The following GRIK3 variants were observed in gnomAD, a reference collection of about 807,000 sequenced individuals.
GRIK3 encodes the protein glutamate receptor ionotropic, kainate 3.
In GRIK3, 29 loss-of-function variants were observed where a neutral mutation model predicts 102.5. The observed-to-expected ratio is 0.28, with a 90% CI of 0.21 to 0.39. The LOEUF (loss-of-function observed/expected upper bound fraction) is 0.39, where lower values mean the gene tolerates loss of function less well. Ranked by LOEUF, GRIK3 falls within the 10% of genes least tolerant of loss-of-function variation. The probability of loss-of-function intolerance (pLI) is 1.00; values close to 1 mark genes in which losing one functional copy is unlikely to be tolerated. For synonymous variants in GRIK3, 511 were observed against 504.9 expected (o/e 1.01, Z -0.16); for missense variants, 908 against 1,252.4 (o/e 0.73, Z 4.15).
intron 1 of GRIK3, among the ~76,000 whole-genome samples, chr1:37,019,643 G>A (rs954553665): frequency 1.1e-4 from 17 of 152,138 alleles, no homozygotes; most frequent in Non-Finnish European, 5.9e-5. Flanking sequence ...CTGACCCTAT[G>A]TACTCTGCAG....
chr1:36,950,587 C>T (rs192726457), intron 1 of GRIK3, among the ~76,000 whole-genome samples: 25 of 152,302 alleles, frequency 1.6e-4, no homozygotes, highest in African/African-American at 9.6e-5. Context: ...TTGGCTAAGC[C>T]AGTCTTTGGC....
intron 1 of GRIK3, among the ~76,000 whole-genome samples, chr1:36,963,307 G>T (rs1236064415): frequency 6.6e-6 from 1 of 152,084 alleles, no homozygotes; most frequent in African/African-American, 2.4e-5. Flanking sequence ...AACAGCTCTG[G>T]GAATAAACAA....
At chr1:36,887,771 A>AATAT (rs71053957) in intron 2 of GRIK3, among the ~76,000 whole-genome samples, 30 of 106,710 alleles carry the variant, frequency 2.8e-4, no homozygotes, top group African/African-American at 1.1e-3. Context: ...AAAAAAAAAA[A>AATAT]ATATATATAT....
intron 13 of GRIK3, among the ~76,000 whole-genome samples, chr1:36,813,599 C>T (rs974951654): frequency 1.3e-5 from 2 of 152,166 alleles, no homozygotes; most frequent in African/African-American, 4.8e-5. Context: ...GGGTTAATCT[C>T]AGGTCTCCTT....
rs748830001 is a variant in GRIK3, at chr1:36,850,224, G to T, written c.1326+87C>A. ...TACCTGCAGCCTCCATCTTCTGGGTGGGGGGGATAGAGGGGACTCTCCAGC... is the reference window on the plus strand; with the variant it reads ...TACCTGCAGCCTCCATCTTCTGGGTTGGGGGGATAGAGGGGACTCTCCAGC... On this transcript the variant is annotated intron_variant, in intron 9 of 15. Coordinates refer to ENST00000373091, the MANE Select transcript of GRIK3 (RefSeq NM_000831.4). The surrounding 1 kb of genome is among the most constrained non-coding windows in gnomAD (Gnocchi z 4.0). 1.5e-4 allele frequency: 117 copies of T among 784,984 alleles called. No individual in the cohort carries two copies. The highest frequency in any genetic ancestry group is 2.7e-4 in the East Asian group (11 of 40,324). The allele number at this position is 784,984 out of a possible 1,614,324, so 48.6% of individuals were successfully genotyped here. A position where few individuals can be genotyped will look rare whatever the true frequency, so the allele number is the denominator to read the frequency against.
At position 37,034,430 on chromosome 1, in the gene GRIK3, G is replaced by A. The variant is rs1642865744; in HGVS notation, c.-322C>T. ...TCCCGCGCGGGCTCCCACCTGCCCC[G>A]GCTGCCGGGCTCTGGCGGGCGGGCT... On this transcript the variant is annotated 5_prime_UTR_variant, in exon 1 of 16. Transcript: ENST00000373091. 6.6e-6 allele frequency among the ~76,000 whole-genome samples: 1 copy of A among 150,848 alleles called. No homozygotes were observed. Among genetic ancestry groups the A allele is most frequent in the South Asian group, 2.1e-4 (1 of 4,814 alleles).
chr1:36,903,609 C>A (rs987771301), intron 1 of GRIK3, among the ~76,000 whole-genome samples: 8 of 152,098 alleles, frequency 5.3e-5, no homozygotes, highest in African/African-American at 1.4e-4. Flanking sequence ...CTGGCTACAT[C>A]CAGACAATGG....
At chr1:36,817,903 T>C (rs1032785268) in intron 12 of GRIK3, among the ~76,000 whole-genome samples, 7 of 152,192 alleles carry the variant, frequency 4.6e-5, no homozygotes, top group African/African-American at 1.4e-4. Context: ...ATGCAGTGCT[T>C]TGCAGGAGGG....
rs193141458 is a variant in GRIK3 at position 36,880,100 on chromosome 1, T to C, written c.550+534A>G. Reference sequence around the variant, plus strand: ...GTCACTGTCATCTTGTAATCCCACATTTTACAGATTTACATTTTATAGGAA... The same window carrying C: ...GTCACTGTCATCTTGTAATCCCACACTTTACAGATTTACATTTTATAGGAA... On this transcript the variant is annotated intron_variant, in intron 3 of 15. Coordinates refer to ENST00000373091, the MANE Select transcript of GRIK3 (RefSeq NM_000831.4). This position sits in a 1 kb window ranked among gnomAD's most constrained non-coding sequence, Gnocchi z 5.4. 3.7e-3 allele frequency among the ~76,000 whole-genome samples: 556 copies of C among 152,256 alleles called. 2 individuals carry two copies. The highest frequency in any genetic ancestry group is 6.8e-3 in the Middle Eastern group (2 of 294).
At chr1:36,832,648 C>T (rs1478301356) in intron 10 of GRIK3, among the ~76,000 whole-genome samples, 2 of 152,236 alleles carry the variant, frequency 1.3e-5, no homozygotes, top group Non-Finnish European at 2.9e-5. Context: ...GATGTGTGTA[C>T]CCTTCCTGGG....
intron 1 of GRIK3, among the ~76,000 whole-genome samples, chr1:37,015,805 A>G (rs2124066105): frequency 6.6e-6 from 1 of 152,338 alleles, no homozygotes; most frequent in African/African-American, 2.4e-5. Flanking sequence ...GTGGTTTGTT[A>G]TCCAGGCCCA....
chr1:36,803,758 C>T (rs909732281), intron 15 of GRIK3, among the ~76,000 whole-genome samples: 3 of 152,152 alleles, frequency 2.0e-5, no homozygotes, highest in Admixed American at 6.5e-5. Flanking sequence ...AATGGGAATT[C>T]TCAGAGAATT....
intron 1 of GRIK3, among the ~76,000 whole-genome samples, chr1:36,938,819 G>A (rs571275611): frequency 6.6e-6 from 1 of 152,312 alleles, no homozygotes; most frequent in East Asian, 1.9e-4. Context: ...TTTCAAACAA[G>A]AGAGGGGAGG....
chr1:36,847,769 A>C (rs1312979079), intron 9 of GRIK3, among the ~76,000 whole-genome samples: 4 of 152,190 alleles, frequency 2.6e-5, no homozygotes, highest in Admixed American at 2.6e-4. Flanking sequence ...ATCAACATCA[A>C]AGCCAGGACT....
At chr1:36,835,470 T>C (rs985775623) in intron 10 of GRIK3, among the ~76,000 whole-genome samples, 2 of 152,162 alleles carry the variant, frequency 1.3e-5, no homozygotes, top group African/African-American at 4.8e-5. Flanking sequence ...ACTGAGACAT[T>C]AGTCACCCTC....
At chr1:36,882,693 G>A (rs1012615433) in intron 2 of GRIK3, among the ~76,000 whole-genome samples, 11 of 152,092 alleles carry the variant, frequency 7.2e-5, no homozygotes, top group African/African-American at 2.7e-4. Context: ...ACTGAGAAAG[G>A]GGCACCTCCC....
At chr1:36,899,897 G>C (rs2202042) in intron 1 of GRIK3, among the ~76,000 whole-genome samples, 122,394 of 152,164 alleles carry the variant, frequency 0.8, 51,406 homozygotes, top group Non-Finnish European at 0.92. Flanking sequence ...GTGCTCAAAA[G>C]AGAGCATCAG....
At chr1:37,019,128 C>A (rs943304187) in intron 1 of GRIK3, among the ~76,000 whole-genome samples, 4 of 152,210 alleles carry the variant, frequency 2.6e-5, no homozygotes, top group African/African-American at 9.6e-5. Flanking sequence ...TGGAGACTTA[C>A]AAATTGGGTA....
In GRIK3 at chr1:36,880,707, G is replaced by C; in HGVS notation, c.477C>G (p.Leu159=). The change falls in exon 3 of 16, where the codon CTC becomes CTG. Residue 159 remains leucine (L), a synonymous_variant. Coordinates refer to ENST00000373091, the MANE Select transcript of GRIK3 (RefSeq NM_000831.4). The surrounding 1 kb of genome is among the most constrained non-coding windows in gnomAD (Gnocchi z 5.4). The stretch of plus-strand genomic sequence containing the variant: ...GGACCAGGTCGAGGATGGCATGGCT[G>C]AGCGAGGCGTAGTCGGGGTAGAGGT... ...YVNLYPDYAS[L]SHAILDLVQY... is the part of the protein sequence containing the mutation. 6.2e-7 allele frequency: 1 copy of C among 1,614,134 alleles called. No individual in the cohort carries two copies. Among genetic ancestry groups the C allele is most frequent in the South Asian group, 1.1e-5 (1 of 91,084 alleles).
Sources: allele counts gnomAD v4.1 joint callset (sites outside exome capture counted in the v4.1 genomes callset), GRCh38; gene constraint gnomAD v4.1.1; non-coding constraint Gnocchi (gnomAD v3.1); transcripts MANE v1.5; gene names NCBI Gene and HGNC (gene_info 2026-07-23, HGNC 2026-07-21).